Variants in NRXN1 observed in about 807,000 individuals in gnomAD.
NRXN1 encodes the protein neurexin 1.
A neutral mutation model predicts 150.9 loss-of-function variants in NRXN1; 39 were observed. That is an observed-to-expected ratio of 0.26 (90% CI 0.20 to 0.34). The LOEUF (loss-of-function observed/expected upper bound fraction) is 0.34, where lower values mean the gene tolerates loss of function less well. Among genes scored for constraint, NRXN1 ranks in the 10% least tolerant of loss-of-function variants. NRXN1 has a pLI of 1.00. For missense variants in NRXN1, 1,815 were observed against 1,949.9 expected, an observed-to-expected ratio of 0.93 and a Z score of 1.30; for synonymous variants, 924 against 757.0, an observed-to-expected ratio of 1.22 and a Z score of -3.62.
At chr2:50,313,132 G>A (rs1388371112) in intron 17 of NRXN1, among the ~76,000 whole-genome samples, 1 of 151,972 alleles carries the variant, frequency 6.6e-6, no homozygotes. Context: ...TGATGAAGTC[G>A]ACTTTGAATA....
intron 21 of NRXN1, among the ~76,000 whole-genome samples, chr2:49,986,056 T>G (rs1412844199): frequency 6.6e-6 from 1 of 152,178 alleles, no homozygotes; most frequent in African/African-American, 2.4e-5. Context: ...AAATCCAGTA[T>G]CACAAATTGT....
intron 21 of NRXN1, 101 bp from the exon 22 acceptor site, chr2:49,943,892 A>C: frequency 1.2e-6 from 1 of 843,900 alleles, no homozygotes; most frequent in Non-Finnish European, 2.0e-6. Flanking sequence ...TTATCAAGAA[A>C]CCAAATTCAC....
At chr2:50,017,412 T>C (rs1686829715) in intron 21 of NRXN1, among the ~76,000 whole-genome samples, 1 of 152,052 alleles carries the variant, frequency 6.6e-6, no homozygotes, top group South Asian at 2.1e-4. Flanking sequence ...GGAAAAGCAA[T>C]GTTAAATAAT....
intron 5 of NRXN1, among the ~76,000 whole-genome samples, chr2:50,807,983 G>C (rs959563830): frequency 2.0e-5 from 3 of 151,940 alleles, no homozygotes; most frequent in Non-Finnish European, 4.4e-5. Flanking sequence ...TCCCAATAAA[G>C]TCCACATCTC....
chr2:50,399,714 T>C (rs532057663), intron 17 of NRXN1, among the ~76,000 whole-genome samples: 24 of 135,834 alleles, frequency 1.8e-4, no homozygotes, highest in African/African-American at 7.0e-4. Flanking sequence ...CAGGTGTTTT[T>C]GAAAAACCTT....
At chr2:50,196,746 T>C (rs2061794218) in intron 18 of NRXN1, among the ~76,000 whole-genome samples, 1 of 152,214 alleles carries the variant, frequency 6.6e-6, no homozygotes, top group Admixed American at 6.6e-5. Flanking sequence ...AATGAGATCA[T>C]GTCTTTTGCA....
chr2:50,841,787 T>C (rs1329992744), intron 5 of NRXN1, among the ~76,000 whole-genome samples: 2 of 152,212 alleles, frequency 1.3e-5, no homozygotes, highest in Non-Finnish European at 2.9e-5. Context: ...ATAAGATCTT[T>C]CTTTATATTT....
intron 17 of NRXN1, among the ~76,000 whole-genome samples, chr2:50,383,755 A>G (rs146116148): frequency 6.6e-6 from 1 of 152,296 alleles, no homozygotes; most frequent in African/African-American, 2.4e-5. Flanking sequence ...GTAAAATTAA[A>G]ATTCTTGAGC....
At chr2:51,026,419 C>A in intron 2 of NRXN1, 1 of 1,604,756 alleles carries the variant, frequency 6.2e-7, no homozygotes, top group South Asian at 1.1e-5. Context: ...TTTCCTTGGT[C>A]ATTGTCATGT....
intron 5 of NRXN1, among the ~76,000 whole-genome samples, chr2:50,743,930 A>C (rs1453257690): frequency 6.6e-6 from 1 of 152,138 alleles, no homozygotes; most frequent in African/African-American, 2.4e-5. Flanking sequence ...CCATTTACTC[A>C]CTAGCTTTGA....
At chr2:50,864,120 A>G (rs1241470147) in intron 5 of NRXN1, among the ~76,000 whole-genome samples, 2 of 152,008 alleles carry the variant, frequency 1.3e-5, no homozygotes, top group Non-Finnish European at 2.9e-5. Flanking sequence ...CTTTGGGAAA[A>G]AAGTCCAGCT....
intron 5 of NRXN1, among the ~76,000 whole-genome samples, chr2:50,889,151 T>C (rs1269432284): frequency 6.6e-6 from 1 of 151,684 alleles, no homozygotes; most frequent in African/African-American, 2.4e-5. Flanking sequence ...CAAAGAATTT[T>C]AGCTTTGTAA....
intron 5 of NRXN1, among the ~76,000 whole-genome samples, chr2:50,683,836 G>T (rs970845005): frequency 1.0e-4 from 15 of 150,432 alleles, no homozygotes; most frequent in African/African-American, 3.7e-4. Context: ...ACTCACGTTA[G>T]CAAGTTCAAT....
intron 2 of NRXN1, among the ~76,000 whole-genome samples, chr2:51,005,284 A>C (rs771617618): frequency 1.3e-5 from 2 of 151,928 alleles, no homozygotes; most frequent in East Asian, 3.9e-4. Flanking sequence ...ACATTTTTAA[A>C]CTCATTTTTG....
At chr2:50,503,005 T>C (rs1181942673) in intron 13 of NRXN1, among the ~76,000 whole-genome samples, 1 of 151,990 alleles carries the variant, frequency 6.6e-6, no homozygotes, top group Admixed American at 6.6e-5. Flanking sequence ...AACATCCTGT[T>C]ATTCCGAGAA....
At chr2:50,660,609 A>G (rs1027289808) in intron 5 of NRXN1, among the ~76,000 whole-genome samples, 1 of 152,040 alleles carries the variant, frequency 6.6e-6, no homozygotes, top group African/African-American at 2.4e-5. Context: ...GGTAATGTGT[A>G]GCTTGCAGTT....
At chr2:50,325,416 T>C (rs1037060146) in intron 17 of NRXN1, among the ~76,000 whole-genome samples, 1 of 152,226 alleles carries the variant, frequency 6.6e-6, no homozygotes, top group Non-Finnish European at 1.5e-5. Flanking sequence ...ACAGTTTTTC[T>C]AACCTCCCTT....
intron 17 of NRXN1, among the ~76,000 whole-genome samples, chr2:50,304,778 T>G (rs1224440769): frequency 6.6e-6 from 1 of 152,166 alleles, no homozygotes; most frequent in Non-Finnish European, 1.5e-5. Flanking sequence ...TAAATAAATG[T>G]TCATCCTCCA....
chr2:50,713,326 GA>G (rs1041222019), intron 5 of NRXN1, among the ~76,000 whole-genome samples: 12 of 144,764 alleles, frequency 8.3e-5, no homozygotes, highest in African/African-American at 1.8e-4. Flanking sequence ...AAAAAAAAAA[GA>G]AAAAAAAATT....
Sources: allele counts gnomAD v4.1 joint callset (sites outside exome capture counted in the v4.1 genomes callset), GRCh38; gene constraint gnomAD v4.1.1; transcripts MANE v1.5; gene names NCBI Gene and HGNC (gene_info 2026-07-23, HGNC 2026-07-21).